The following TENM2 variants were observed in gnomAD, a reference collection of about 807,000 sequenced individuals.
TENM2 encodes the protein teneurin-2.
TENM2 carries 52 observed loss-of-function variants against 245.2 expected under a neutral mutation model. That is an observed-to-expected ratio of 0.21 (90% CI 0.17 to 0.27). The LOEUF is 0.27. TENM2 is among the 10% of genes least tolerant of loss of function. The pLI is 1.00. For synonymous variants in TENM2, 1,363 were observed against 1,438.9 expected, an observed-to-expected ratio of 0.95 and a Z score of 1.19; for missense variants, 3,046 against 3,666.8, an observed-to-expected ratio of 0.83 and a Z score of 4.37.
At chr5:167,371,537 T>G (rs1459389526) in intron 1 of TENM2, among the ~76,000 whole-genome samples, 1 of 151,698 alleles carries the variant, frequency 6.6e-6, no homozygotes, top group Admixed American at 6.6e-5. Flanking sequence ...AATTTTGTAT[T>G]TTTAGTAGAG....
intron 4 of TENM2, among the ~76,000 whole-genome samples, chr5:167,969,554 T>C (rs1781620018): frequency 6.6e-6 from 1 of 152,038 alleles, no homozygotes; most frequent in Non-Finnish European, 1.5e-5. Flanking sequence ...ATCAGGAAAA[T>C]GAAACTTGAG....
At chr5:168,118,689 A>G (rs1167319168) in intron 10 of TENM2, among the ~76,000 whole-genome samples, 1 of 152,174 alleles carries the variant, frequency 6.6e-6, no homozygotes, top group Non-Finnish European at 1.5e-5. Context: ...TTCTGGAAGA[A>G]ACGTTTTGTT....
At chr5:167,672,890 C>T in intron 2 of TENM2, among the ~76,000 whole-genome samples, 1 of 146,782 alleles carries the variant, frequency 6.8e-6, no homozygotes. Context: ...TTCTACTCTT[C>T]TACCCTCTCT....
At chr5:167,726,860 A>G (rs1379934642) in intron 2 of TENM2, among the ~76,000 whole-genome samples, 1 of 152,168 alleles carries the variant, frequency 6.6e-6, no homozygotes, top group Non-Finnish European at 1.5e-5. Context: ...GATGCCTGCA[A>G]CATTCCTCAA....
intron 2 of TENM2, among the ~76,000 whole-genome samples, chr5:167,827,719 T>C (rs1027833969): frequency 4.7e-5 from 7 of 150,394 alleles, no homozygotes; most frequent in South Asian, 2.1e-4. Flanking sequence ...CTTTGAGGAG[T>C]TGAGTTATTG....
intron 2 of TENM2, among the ~76,000 whole-genome samples, chr5:167,494,611 C>G (rs1768674636): frequency 6.6e-6 from 1 of 152,026 alleles, no homozygotes; most frequent in Non-Finnish European, 1.5e-5. Context: ...GTTACATATA[C>G]AATCAAGTAT....
At chr5:167,916,272 T>C (rs180755478) in intron 3 of TENM2, among the ~76,000 whole-genome samples, 1 of 152,308 alleles carries the variant, frequency 6.6e-6, no homozygotes, top group Non-Finnish European at 1.5e-5. Context: ...TGTCCAGTCT[T>C]GGAACCAGCT....
the TENM2 span, among the ~76,000 whole-genome samples, chr5:167,194,884 C>G: frequency 1.3e-5 from 2 of 151,980 alleles, no homozygotes; most frequent in African/African-American, 4.8e-5. Flanking sequence ...GCCTTTGATT[C>G]TAAATTATAC....
chr5:167,833,424 G>T (rs1230387176), intron 2 of TENM2, among the ~76,000 whole-genome samples: 1 of 152,136 alleles, frequency 6.6e-6, no homozygotes, highest in Non-Finnish European at 1.5e-5. Flanking sequence ...ATCTTCCAGA[G>T]CAAAAGGAAC....
At chr5:168,227,547 A>T (rs1435592436) in intron 24 of TENM2, among the ~76,000 whole-genome samples, 1 of 150,090 alleles carries the variant, frequency 6.7e-6, no homozygotes, top group Non-Finnish European at 1.5e-5. Context: ...GGTATAAGCT[A>T]AAATATATAT....
intron 2 of TENM2, among the ~76,000 whole-genome samples, chr5:167,863,485 ACACAC>A (rs1354430511): frequency 3.3e-5 from 5 of 151,782 alleles, no homozygotes; most frequent in Middle Eastern, 6.8e-3. Flanking sequence ...ACACACACAC[ACACAC>A]AAAATTAGCC....
intron 1 of TENM2, among the ~76,000 whole-genome samples, chr5:167,334,298 T>A (rs1757632344): frequency 6.6e-6 from 1 of 152,168 alleles, no homozygotes; most frequent in Non-Finnish European, 1.5e-5. Context: ...AAACTGACCT[T>A]TAGCAGATCC....
intron 5 of TENM2, among the ~76,000 whole-genome samples, chr5:168,014,091 A>G (rs1785475039): frequency 6.6e-6 from 1 of 152,244 alleles, no homozygotes; most frequent in South Asian, 2.1e-4. Flanking sequence ...AAATAAGGTC[A>G]CATTCACAGC....
intron 2 of TENM2, among the ~76,000 whole-genome samples, chr5:167,618,656 C>A (rs911652205): frequency 1.3e-5 from 2 of 152,106 alleles, no homozygotes; most frequent in African/African-American, 4.8e-5. Context: ...GTTGTCCCAG[C>A]CACCTGTGTT....
At chr5:168,237,196 TAAGTA>T (rs571694809) in intron 25 of TENM2, among the ~76,000 whole-genome samples, 50 of 148,560 alleles carry the variant, frequency 3.4e-4, no homozygotes, top group African/African-American at 1.2e-3. Context: ...TTGTGTTTTC[TAAGTA>T]AAGACGGGGT....
rs533661972 is a variant in TENM2, at chr5:168,013,336, G to A, written c.1186+20154G>A. On this transcript the variant is annotated intron_variant, in intron 5 of 28. Transcript: ENST00000518659. ...AGCCAAGTTTCAGCTGGGCACGGTG[G>A]CTCACACCTGTAATCCTAGCACTTT... is the stretch of plus-strand genomic sequence containing the variant. 1.9e-3 allele frequency among the ~76,000 whole-genome samples: 291 copies of A among 152,234 alleles called. 1 individual carries two copies. The highest frequency in any genetic ancestry group is 3.1e-3 in the Non-Finnish European group (208 of 68,022).
Position 168,216,776 on chromosome 5 carries a change from G to A in TENM2, c.4087G>A (p.Val1363Ile), listed in dbSNP as rs749049050. Residue 1363 changes from valine (V) to isoleucine (I), a missense_variant, in exon 22 of 29, where the codon GTA (valine) becomes ATA (isoleucine). Val to Ile is a conservative substitution (Grantham distance 29). Coordinates refer to ENST00000518659, the Ensembl canonical transcript of TENM2. ...CCGCTTGTCTTGCTCAGGTATTGCA[G>A]TAGACAAGAATGGGCTCATGTACTT... The A allele has an allele frequency of 1.2e-5, 19 of 1,613,724 alleles. No individual in the cohort carries two copies. In the African/African-American group the frequency reaches 2.0e-4, roughly 17 times the overall value.
At chr5:167,084,244 A>G in the TENM2 span, among the ~76,000 whole-genome samples, 40 of 142,866 alleles carry the variant, frequency 2.8e-4, 1 homozygote, top group East Asian at 6.5e-3. Context: ...AAATATTTTG[A>G]ATGTGTATTT....
intron 4 of TENM2, among the ~76,000 whole-genome samples, chr5:167,992,479 G>T (rs1163344309): frequency 6.6e-6 from 1 of 152,164 alleles, no homozygotes; most frequent in Non-Finnish European, 1.5e-5. Flanking sequence ...ATTCCACGGT[G>T]TATGTATAGC....
Sources: gnomAD v4.1 joint callset for allele counts (sites outside exome capture counted in the v4.1 genomes callset) on GRCh38, gnomAD v4.1.1 for gene constraint, MANE v1.5 for transcripts, NCBI Gene and HGNC (gene_info 2026-07-23, HGNC 2026-07-21) for gene names.